The following TENM2 variants were observed in gnomAD, a reference collection of about 807,000 sequenced individuals.
The protein encoded by TENM2 is teneurin transmembrane protein 2, also known as teneurin-2.
TENM2 carries 52 observed loss-of-function variants against 245.2 expected under a neutral mutation model. The observed-to-expected ratio is 0.21, with a 90% CI of 0.17 to 0.27. The LOEUF is 0.27. TENM2 is among the 10% of genes least tolerant of loss of function. TENM2 has a pLI of 1.00. For synonymous variants in TENM2, 1,363 were observed against 1,438.9 expected (o/e 0.95, Z 1.19); for missense variants, 3,046 against 3,666.8 (o/e 0.83, Z 4.37).
chr5:168,159,144 AAAAAAT>A (rs1422274210), intron 12 of TENM2, among the ~76,000 whole-genome samples: 1 of 151,838 alleles, frequency 6.6e-6, no homozygotes, highest in African/African-American at 2.4e-5. Flanking sequence ...ACTCCGTCTC[AAAAAAT>A]AAAAATAAAA....
intron 3 of TENM2, among the ~76,000 whole-genome samples, chr5:167,912,852 A>G (rs1776653495): frequency 6.6e-6 from 1 of 152,136 alleles, no homozygotes; most frequent in Non-Finnish European, 1.5e-5. Flanking sequence ...AGTGGGGGTA[A>G]TTTACTTAAT....
chr5:168,090,425 C>A (rs1171387044), intron 7 of TENM2, 149 bp from the exon 10 acceptor site: 2 of 542,342 alleles, frequency 3.7e-6, no homozygotes, highest in Non-Finnish European at 6.4e-6. Context: ...ACACATTTTG[C>A]GGCTCTTGTT....
In TENM2 at chr5:168,235,652, C is replaced by G. The variant is rs369824268; in HGVS notation, c.5520+7522C>G. On this transcript the variant is annotated intron_variant, in intron 25 of 28. Transcript: ENST00000518659. The stretch of plus-strand genomic sequence containing the variant: ...CGAAACCCCATCTCTACTAAAAATA[C>G]AAAAATTAGCCAGGTGTGGTGCGGC... Among the ~76,000 whole-genome samples the G allele has an allele frequency of 3.3e-4, 50 of 152,170 alleles. No homozygotes were observed. The South Asian group carries it at 0.01, about 32-fold the overall frequency.
chr5:167,854,311 T>C (rs1770871774), intron 2 of TENM2, among the ~76,000 whole-genome samples: 1 of 152,218 alleles, frequency 6.6e-6, no homozygotes. Flanking sequence ...ATTAATTTAC[T>C]ACTCTGTACC....
chr5:167,620,549 CTT>C (rs11455974), intron 2 of TENM2, among the ~76,000 whole-genome samples: 1,712 of 73,236 alleles, frequency 0.023, 20 homozygotes, highest in African/African-American at 0.068. Context: ...TGCTTTTTGG[CTT>C]TTTTTTTTTT....
At chr5:167,604,778 A>C (rs560497598) in intron 2 of TENM2, among the ~76,000 whole-genome samples, 1 of 152,216 alleles carries the variant, frequency 6.6e-6, no homozygotes, top group Non-Finnish European at 1.5e-5. Flanking sequence ...AGGATCAGGC[A>C]TCTGGTGGTT....
At chr5:167,395,136 C>T (rs1761980777) in intron 2 of TENM2, among the ~76,000 whole-genome samples, 3 of 151,850 alleles carry the variant, frequency 2.0e-5, no homozygotes, top group Admixed American at 1.3e-4. Context: ...CATGGGATGC[C>T]TTCTCATTTA....
intron 4 of TENM2, among the ~76,000 whole-genome samples, chr5:167,972,005 T>G (rs1781832624): frequency 6.6e-6 from 1 of 152,240 alleles, no homozygotes; most frequent in South Asian, 2.1e-4. Flanking sequence ...TTAGGGAATG[T>G]TGGTGCCTAC....
chr5:167,123,146 A>AT, the TENM2 span, among the ~76,000 whole-genome samples: 1 of 145,894 alleles, frequency 6.9e-6, no homozygotes, highest in Admixed American at 6.7e-5. Context: ...AAAAATACAA[A>AT]AAAAAAAAAA....
At chr5:168,171,918 G>A (rs1438540430) in intron 13 of TENM2, among the ~76,000 whole-genome samples, 6 of 152,182 alleles carry the variant, frequency 3.9e-5, no homozygotes, top group African/African-American at 1.4e-4. Context: ...CTAGATGGTG[G>A]CAGGCACACC....
At chr5:167,985,229 A>G (rs571131353) in intron 4 of TENM2, among the ~76,000 whole-genome samples, 2 of 152,296 alleles carry the variant, frequency 1.3e-5, no homozygotes, top group East Asian at 3.9e-4. Context: ...TTCTGCCTCT[A>G]TCCTTCCCCT....
chr5:167,246,272 A>G, the TENM2 span, among the ~76,000 whole-genome samples: 1 of 152,054 alleles, frequency 6.6e-6, no homozygotes, highest in Non-Finnish European at 1.5e-5. Flanking sequence ...CCAAATAAAT[A>G]AGTATAGTGG....
At chr5:168,031,748 GAA>G in intron 5 of TENM2, among the ~76,000 whole-genome samples, 1 of 145,256 alleles carries the variant, frequency 6.9e-6, no homozygotes, top group African/African-American at 2.5e-5. Context: ...AGTGAGGGAG[GAA>G]GGGAGGAAAG....
At chr5:167,458,494 C>CA (rs70976430) in intron 2 of TENM2, among the ~76,000 whole-genome samples, 13,794 of 82,056 alleles carry the variant, frequency 0.17, 1,130 homozygotes, top group Non-Finnish European at 0.24. Flanking sequence ...CTCAAAAAAA[C>CA]AAAAAAAAAA....
chr5:168,153,368 A>G (rs571611232), intron 12 of TENM2, among the ~76,000 whole-genome samples: 2 of 152,348 alleles, frequency 1.3e-5, no homozygotes, highest in Non-Finnish European at 1.5e-5. Context: ...CAAAGGGTTC[A>G]TTAGAATTAT....
chr5:167,478,387 G>T (rs985656589), intron 2 of TENM2, among the ~76,000 whole-genome samples: 1 of 152,156 alleles, frequency 6.6e-6, no homozygotes, highest in African/African-American at 2.4e-5. Flanking sequence ...GTCTCCTAAT[G>T]ATACAATCTG....
intron 2 of TENM2, among the ~76,000 whole-genome samples, chr5:167,451,939 G>A (rs1176689450): frequency 3.3e-5 from 5 of 152,112 alleles, no homozygotes; most frequent in African/African-American, 1.2e-4. Flanking sequence ...ATGAGCCACC[G>A]CGTCTGGCAG....
At chr5:167,794,111 T>C (rs1765162923) in intron 2 of TENM2, among the ~76,000 whole-genome samples, 2 of 152,100 alleles carry the variant, frequency 1.3e-5, no homozygotes, top group African/African-American at 4.8e-5. Flanking sequence ...TCTATCCACC[T>C]ATTCAATTGA....
chr5:168,158,879 A>G (rs1757484232), intron 12 of TENM2, among the ~76,000 whole-genome samples: 1 of 139,842 alleles, frequency 7.2e-6, no homozygotes, highest in African/African-American at 2.6e-5. Context: ...ATATATATGT[A>G]TACACACACG....
Sources: gnomAD v4.1 joint callset for allele counts (sites outside exome capture counted in the v4.1 genomes callset) on GRCh38, gnomAD v4.1.1 for gene constraint, MANE v1.5 for transcripts, NCBI Gene and HGNC (gene_info 2026-07-23, HGNC 2026-07-21) for gene names.